Variants in EXOC4 observed in about 807,000 individuals in gnomAD.
EXOC4 encodes exocyst complex component 4, also known as SEC8-like 1.
EXOC4 carries 71 observed loss-of-function variants against 107.2 expected under a neutral mutation model. That is an observed-to-expected ratio of 0.66 (90% CI 0.55 to 0.81). The LOEUF (loss-of-function observed/expected upper bound fraction) is 0.81, where lower values mean the gene tolerates loss of function less well. Ranked by LOEUF, EXOC4 falls within the 30% of genes least tolerant of loss-of-function variation. The pLI is 0.00. For missense variants in EXOC4, 1,108 were observed against 1,189.6 expected, an observed-to-expected ratio of 0.93 and a Z score of 1.01; for synonymous variants, 456 against 441.2, an observed-to-expected ratio of 1.03 and a Z score of -0.42.
chr7:133,265,672 G>A (rs1793712233), intron 1 of EXOC4, among the ~76,000 whole-genome samples: 1 of 152,130 alleles, frequency 6.6e-6, no homozygotes, highest in African/African-American at 2.4e-5. Context: ...TGCTTGAAGG[G>A]ATTTCCATTC....
At chr7:133,884,719 G>A (rs1285201666) in intron 11 of EXOC4, among the ~76,000 whole-genome samples, 2 of 151,918 alleles carry the variant, frequency 1.3e-5, no homozygotes, top group Admixed American at 1.3e-4. Flanking sequence ...TCTCTGAACT[G>A]TCCTCTCAGG....
intron 11 of EXOC4, among the ~76,000 whole-genome samples, chr7:133,840,566 G>A (rs145124339): frequency 0.011 from 1,603 of 151,466 alleles, 26 homozygotes; most frequent in African/African-American, 0.037. Context: ...GTGCAGTGGC[G>A]CAATCTCAGC....
chr7:133,908,886 A>T (rs1654698032), intron 12 of EXOC4, among the ~76,000 whole-genome samples: 2 of 152,142 alleles, frequency 1.3e-5, no homozygotes, highest in South Asian at 4.1e-4. Context: ...TGTGCAGAAC[A>T]TGCAGGTTTA....
intron 9 of EXOC4, among the ~76,000 whole-genome samples, chr7:133,501,629 A>G (rs1295542644): frequency 6.6e-6 from 1 of 152,126 alleles, no homozygotes; most frequent in Non-Finnish European, 1.5e-5. Flanking sequence ...TTTCTAGGGG[A>G]AAAAATGTCA....
chr7:133,854,060 A>G (rs1277983250), intron 11 of EXOC4, among the ~76,000 whole-genome samples: 1 of 152,216 alleles, frequency 6.6e-6, no homozygotes, highest in Admixed American at 6.5e-5. Flanking sequence ...AACAACCTCA[A>G]CCAGGAACTG....
Position 134,007,677 on chromosome 7 carries a change from C to G in EXOC4, c.2529C>G (p.Gly843=). 6.2e-7 allele frequency: 1 copy of G among 1,612,560 alleles called. No individual in the cohort carries two copies. Among genetic ancestry groups the G allele is most frequent in the Non-Finnish European group, 8.5e-7 (1 of 1,179,200 alleles). Residue 843 remains glycine, a splice_region_variant and synonymous_variant, in exon 17 of 18, where the codon GGC becomes GGG. Transcript: ENST00000253861. ...CCCCGCACTGTGCTGACCCCTCAGG[C>G]CTGGGCCACCTGATCTCCTGCATCC... ...QQHKFQYIFE[G]LGHLISCILI... is the part of the protein sequence containing the mutation.
chr7:133,396,157 A>G (rs1191575203), intron 7 of EXOC4: 1 of 152,232 alleles, frequency 6.6e-6, no homozygotes, highest in East Asian at 1.9e-4. Context: ...TGGAGGATGG[A>G]GCTCTGCAGT....
At chr7:133,520,642 T>G (rs1799961469) in intron 9 of EXOC4, among the ~76,000 whole-genome samples, 1 of 152,156 alleles carries the variant, frequency 6.6e-6, no homozygotes, top group African/African-American at 2.4e-5. Context: ...TACCACACAT[T>G]GTTAGTTTAT....
chr7:134,012,159 G>A (rs1056416002), intron 17 of EXOC4, among the ~76,000 whole-genome samples: 6 of 152,132 alleles, frequency 3.9e-5, no homozygotes, highest in Admixed American at 3.3e-4. Context: ...GAGGTAGGAA[G>A]CTATTAGAAG....
intron 1 of EXOC4, among the ~76,000 whole-genome samples, chr7:133,262,438 G>A (rs1437944112): frequency 6.6e-6 from 1 of 151,850 alleles, no homozygotes; most frequent in African/African-American, 2.4e-5. Context: ...GAAGTAATAA[G>A]GGAAAATTCT....
At chr7:133,904,855 G>T (rs6956135) in intron 12 of EXOC4, among the ~76,000 whole-genome samples, 94,230 of 152,088 alleles carry the variant, frequency 0.62, 31,624 homozygotes, top group African/African-American at 0.89. Context: ...CTCTGAAGAT[G>T]CAAAGTGTCC....
the EXOC4 span, among the ~76,000 whole-genome samples, chr7:134,089,091 G>A: frequency 6.6e-6 from 1 of 152,014 alleles, no homozygotes. Flanking sequence ...TTTGCTTTAA[G>A]AAAAACCTGT....
rs1406154923 is a variant in EXOC4, at chr7:134,039,303, A to C, written c.2688-24988A>C. 2.6e-5 allele frequency among the ~76,000 whole-genome samples: 4 copies of C among 152,302 alleles called. No individual in the cohort carries two copies. In the East Asian group the frequency reaches 7.7e-4, roughly 29 times the overall value. ...GAGTGCATAATAAACCTTGGAGTGC[A>C]TGATAAAGCTTCAGGGAGTCCATAA... On this transcript the variant is annotated intron_variant, in intron 17 of 17. Transcript: ENST00000253861.
At chr7:133,637,625 G>A (rs567745786) in intron 10 of EXOC4, among the ~76,000 whole-genome samples, 19 of 152,202 alleles carry the variant, frequency 1.2e-4, no homozygotes, top group Admixed American at 3.9e-4. Context: ...TTCCCCCTAT[G>A]CTCAGAATTA....
At chr7:133,321,571 C>T (rs1025775433) in intron 5 of EXOC4, among the ~76,000 whole-genome samples, 7 of 152,090 alleles carry the variant, frequency 4.6e-5, no homozygotes, top group Non-Finnish European at 1.0e-4. Context: ...TTTTTTATGG[C>T]TGCATAGTAT....
At chr7:133,682,327 A>G (rs1415426882) in intron 10 of EXOC4, among the ~76,000 whole-genome samples, 2 of 152,130 alleles carry the variant, frequency 1.3e-5, no homozygotes, top group Admixed American at 6.5e-5. Context: ...GAAATTCTTC[A>G]CCCATAGTAA....
chr7:133,624,257 G>A lies in EXOC4; in HGVS notation c.1418-5788G>A, dbSNP rs921304324. The stretch of plus-strand genomic sequence containing the variant: ...TTCATTGGAGCACTTAGTACAAGAT[G>A]GTTATAATTTCAACATCTATACATT... On this transcript the variant is annotated intron_variant, in intron 9 of 17. Transcript: ENST00000253861. Among the ~76,000 whole-genome samples, 21 of 152,088 alleles carry A rather than the reference G, an allele frequency of 1.4e-4. No individual in the cohort carries two copies. In the South Asian group the frequency reaches 1.9e-3, roughly 14 times the overall value.
At chr7:134,002,933 T>C (rs1271374370) in intron 15 of EXOC4, among the ~76,000 whole-genome samples, 1 of 152,122 alleles carries the variant, frequency 6.6e-6, no homozygotes, top group Non-Finnish European at 1.5e-5. Context: ...AAAGTAAACA[T>C]ACACTTACCA....
chr7:133,326,165 C>G (rs1795235600), intron 5 of EXOC4, among the ~76,000 whole-genome samples: 1 of 152,202 alleles, frequency 6.6e-6, no homozygotes, highest in African/African-American at 2.4e-5. Context: ...GAACTTCCTC[C>G]TTTAGCTCAG....
Sources: allele counts gnomAD v4.1 joint callset (sites outside exome capture counted in the v4.1 genomes callset), GRCh38; gene constraint gnomAD v4.1.1; transcripts MANE v1.5; gene names NCBI Gene and HGNC (gene_info 2026-07-23, HGNC 2026-07-21).